The following CSMD2 variants were observed in gnomAD, a reference collection of about 807,000 sequenced individuals.
CSMD2 encodes the protein CUB and sushi domain-containing protein 2.
Under a neutral mutation model 398.5 loss-of-function variants are expected in CSMD2, and 130 were observed. That is an observed-to-expected ratio of 0.33 (90% CI 0.28 to 0.38). The LOEUF (loss-of-function observed/expected upper bound fraction) is 0.38. Ranked by LOEUF, CSMD2 falls within the 10% of genes least tolerant of loss-of-function variation. The pLI, the probability that CSMD2 is intolerant of heterozygous loss-of-function variation, is 1.00. For missense variants in CSMD2, 3,829 were observed against 4,764.9 expected (o/e 0.80, Z 5.78); for synonymous variants, 1,828 against 1,908.5 (o/e 0.96, Z 1.10).
In CSMD2 at chr1:34,165,026, C is replaced by G. The variant is rs1309693377; in HGVS notation, c.72G>C (p.Gly24=). ...CPAGRARGET[G]ISALVPGAGS... is the part of the protein sequence containing the mutation. ...CGGCGCCCGGCACAAGCGCCGAAAT[C>G]CCGGTTTCGCCGCGAGCCCTCCCCG... Residue 24 remains glycine (G), a synonymous_variant, in exon 1 of 71, where the codon GGG becomes GGC. Transcript: ENST00000373381. The G allele has an allele frequency of 8.3e-7, 1 of 1,210,490 alleles. No individual in the cohort carries two copies. Among genetic ancestry groups the G allele is most frequent in the Non-Finnish European group, 1.0e-6 (1 of 974,474 alleles). 75.0% of individuals were successfully genotyped at this position (1,210,490 alleles called of 1,614,324 possible). A position where few individuals can be genotyped will look rare whatever the true frequency, so the allele number is the denominator to read the frequency against.
chr1:33,787,789 A>G (rs1557893353), intron 12 of CSMD2, among the ~76,000 whole-genome samples: 1 of 152,090 alleles, frequency 6.6e-6, no homozygotes. Context: ...AGTGGTCAGA[A>G]GGGTGATGTT....
In CSMD2 at chr1:33,724,303, A is replaced by G. The variant is rs772627124; in HGVS notation, c.2895T>C (p.Gly965=). 2.5e-6 allele frequency: 4 copies of G among 1,613,088 alleles called. No individual in the cohort carries two copies. In the African/African-American group the frequency reaches 5.3e-5, roughly 22 times the overall value. The change falls in exon 19 of 71, where the codon GGT becomes GGC. Residue 965 remains glycine, a synonymous_variant. Coordinates refer to ENST00000373381, the MANE Select transcript of CSMD2 (RefSeq NM_001281956.2). ...TCCCACTGGAGCCTTGAATGAAGCCACCACAGAGAGCTACAGAAGGAGTGA... is the reference window on the plus strand; with the variant it reads ...TCCCACTGGAGCCTTGAATGAAGCCGCCACAGAGAGCTACAGAAGGAGTGA... ...RALPSCEALC[G]GFIQGSSGTI...
At chr1:33,902,702 G>C (rs990191932) in intron 5 of CSMD2, among the ~76,000 whole-genome samples, 2 of 152,156 alleles carry the variant, frequency 1.3e-5, no homozygotes, top group Non-Finnish European at 2.9e-5. Flanking sequence ...GACCAGAAGA[G>C]GTATCTAGAG....
At chr1:34,117,995 C>A (rs2148461383) in intron 1 of CSMD2, among the ~76,000 whole-genome samples, 1 of 152,142 alleles carries the variant, frequency 6.6e-6, no homozygotes, top group Admixed American at 6.5e-5. Context: ...AGGTGGATCA[C>A]CTGAGGTCAG....
At chr1:33,809,480 C>A (rs1022265935) in intron 10 of CSMD2, among the ~76,000 whole-genome samples, 1 of 151,952 alleles carries the variant, frequency 6.6e-6, no homozygotes, top group Non-Finnish European at 1.5e-5. Flanking sequence ...AAGCTCTTAG[C>A]AAACTACGAT....
intron 3 of CSMD2, among the ~76,000 whole-genome samples, chr1:34,018,219 A>G (rs1313160642): frequency 6.6e-6 from 1 of 152,210 alleles, no homozygotes; most frequent in Non-Finnish European, 1.5e-5. Context: ...ATTGCCAAAT[A>G]ATGCTATTAT....
At chr1:33,586,179 C>T (rs1255026598) in intron 46 of CSMD2, among the ~76,000 whole-genome samples, 1 of 152,168 alleles carries the variant, frequency 6.6e-6, no homozygotes, top group Non-Finnish European at 1.5e-5. Context: ...CACGCCCACA[C>T]CAGGGAGGGA....
rs565020798 is a variant in CSMD2, at chr1:34,026,151, T to C, written c.517+6443A>G. Among the ~76,000 whole-genome samples, 14 of 152,352 alleles carry C rather than the reference T, an allele frequency of 9.2e-5. No individual in the cohort carries two copies. The East Asian group carries it at 2.7e-3, about 29-fold the overall frequency. ...ACAGCTCTAAGAAGTATTATTCTTATCCTGATTTTATAGGCACAGAGGCTG... is the reference window on the plus strand; with the variant it reads ...ACAGCTCTAAGAAGTATTATTCTTACCCTGATTTTATAGGCACAGAGGCTG... On this transcript the variant is annotated intron_variant, in intron 3 of 70. Transcript: ENST00000373381.
chr1:34,083,866 C>A (rs1477015592), intron 2 of CSMD2, among the ~76,000 whole-genome samples: 1 of 152,094 alleles, frequency 6.6e-6, no homozygotes, highest in African/African-American at 2.4e-5. Context: ...TTGCAGTGAG[C>A]TGAGATTGCA....
At chr1:34,043,583 T>C (rs533677301) in intron 2 of CSMD2, among the ~76,000 whole-genome samples, 1 of 152,322 alleles carries the variant, frequency 6.6e-6, no homozygotes, top group African/African-American at 2.4e-5. Context: ...GCACAGTACA[T>C]ATTAGATGCA....
chr1:33,565,532 CAGAG>C (rs1163244332), intron 53 of CSMD2, among the ~76,000 whole-genome samples: 2 of 151,716 alleles, frequency 1.3e-5, no homozygotes, highest in Admixed American at 6.6e-5. Flanking sequence ...TAAAAACAAT[CAGAG>C]AGAAAGACTT....
At position 33,701,154 on chromosome 1, in the gene CSMD2, G is replaced by A. The variant is rs563369405; in HGVS notation, c.3577-481C>T. Reference sequence around the variant, plus strand: ...TCTCACCTGATCCCACCCCACTGTGGCAGTAGCCTGTCTTGAGCACTCTGC... The same window carrying A: ...TCTCACCTGATCCCACCCCACTGTGACAGTAGCCTGTCTTGAGCACTCTGC... On this transcript the variant is annotated intron_variant, in intron 22 of 70. Transcript: ENST00000373381. 7.2e-5 allele frequency among the ~76,000 whole-genome samples: 11 copies of A among 152,250 alleles called. No homozygotes were observed. In the South Asian group the frequency reaches 2.3e-3, roughly 32 times the overall value.
intron 66 of CSMD2, among the ~76,000 whole-genome samples, chr1:33,524,284 G>A (rs1163721335): frequency 1.3e-5 from 2 of 152,100 alleles, no homozygotes; most frequent in Non-Finnish European, 2.9e-5. Flanking sequence ...GCCTTGTAAT[G>A]GGAACAGCCT....
At position 33,635,657 on chromosome 1, in the gene CSMD2, G is replaced by A. The variant is rs1329046037; in HGVS notation, c.4970-327C>T. On this transcript the variant is annotated intron_variant, in intron 30 of 70. Coordinates refer to ENST00000373381, the MANE Select transcript of CSMD2 (RefSeq NM_001281956.2). The surrounding 1 kb of genome is among the most constrained non-coding windows in gnomAD (Gnocchi z 5.0). ...CATTAGGAACCTCTTCTGCTTACAC[G>A]TGGAGCCTAGAAATGATCTGCTGCC... Among the ~76,000 whole-genome samples, 3 of 152,182 alleles carry A rather than the reference G, an allele frequency of 2.0e-5. No homozygotes were observed. Among genetic ancestry groups the A allele is most frequent in the East Asian group, 1.9e-4 (1 of 5,190 alleles).
At chr1:33,810,681 G>C in intron 10 of CSMD2, 62 bp downstream of exon 10, 1 of 1,547,674 alleles carries the variant, frequency 6.5e-7, no homozygotes, top group Non-Finnish European at 8.8e-7. Context: ...AAACCTTGTA[G>C]GCCAACTGTC....
chr1:34,126,483 A>G (rs1369186206), intron 1 of CSMD2, among the ~76,000 whole-genome samples: 1 of 152,196 alleles, frequency 6.6e-6, no homozygotes. Flanking sequence ...GAAGCATTTC[A>G]TGGGGGGCCC....
At chr1:33,881,531 G>A (rs912659516) in intron 5 of CSMD2, among the ~76,000 whole-genome samples, 4 of 152,058 alleles carry the variant, frequency 2.6e-5, no homozygotes, top group South Asian at 4.2e-4. Context: ...GCCAAGCAGC[G>A]TGGGGTAGTT....
chr1:33,750,994 A>G (rs1036455861), intron 13 of CSMD2, among the ~76,000 whole-genome samples: 2 of 152,198 alleles, frequency 1.3e-5, no homozygotes, highest in African/African-American at 2.4e-5. Context: ...TGGAGAGAAA[A>G]TATGTGCAAG....
chr1:33,573,304 C>T (rs1272065188), intron 49 of CSMD2, among the ~76,000 whole-genome samples: 6 of 152,124 alleles, frequency 3.9e-5, no homozygotes, highest in Non-Finnish European at 7.4e-5. Context: ...TTTTAAAATA[C>T]GATCAAGGAT....
Sources: gnomAD v4.1 joint callset for allele counts (sites outside exome capture counted in the v4.1 genomes callset) on GRCh38, gnomAD v4.1.1 for gene constraint, Gnocchi (gnomAD v3.1) non-coding constraint, MANE v1.5 for transcripts, NCBI Gene and HGNC (gene_info 2026-07-23, HGNC 2026-07-21) for gene names.